The following NRIP1 variants were observed in gnomAD, a reference collection of about 807,000 sequenced individuals.
The protein encoded by NRIP1 is nuclear receptor interacting protein 1.
NRIP1 carries 28 observed loss-of-function variants against 75.0 expected under a neutral mutation model. The observed-to-expected ratio is 0.37, with a 90% CI of 0.28 to 0.51. The LOEUF (loss-of-function observed/expected upper bound fraction) is 0.51. Among genes scored for constraint, NRIP1 ranks in the 20% least tolerant of loss-of-function variants. NRIP1 has a pLI of 0.92. For synonymous variants in NRIP1, 526 were observed against 487.6 expected (o/e 1.08, Z -1.04); for missense variants, 1,435 against 1,343.7 (o/e 1.07, Z -1.06).
chr21:15,020,058 C>G (rs1490628313), intron 2 of NRIP1, among the ~76,000 whole-genome samples: 1 of 152,176 alleles, frequency 6.6e-6, no homozygotes, highest in African/African-American at 2.4e-5. Flanking sequence ...TCAATTCTCC[C>G]TACACTGATC....
chr21:15,050,502 T>C (rs1288613755), intron 1 of NRIP1: 1 of 328,774 alleles, frequency 3.0e-6, no homozygotes, highest in East Asian at 8.1e-5. Flanking sequence ...AACCAAAACG[T>C]AGTATTTGTG....
chr21:14,990,676 T>C, intron 3 of NRIP1, among the ~76,000 whole-genome samples: 1 of 152,200 alleles, frequency 6.6e-6, no homozygotes, highest in Non-Finnish European at 1.5e-5. Context: ...AATGAATTCC[T>C]AAAGTGAAAC....
rs566721443 is a variant in NRIP1 at position 14,968,384 on chromosome 21, G to T, written c.-192C>A. Reference sequence around the variant, plus strand: ...ACAAGATAAATGCAGTCTGACCACAGTGCTGATCAACTTCTACGCAAGGAG... The same window carrying T: ...ACAAGATAAATGCAGTCTGACCACATTGCTGATCAACTTCTACGCAAGGAG... On this transcript the variant is annotated 5_prime_UTR_variant, in exon 4 of 4. In the 5' UTR this introduces an upstream ATG that the reference lacks. Coordinates refer to ENST00000318948, the MANE Select transcript of NRIP1 (RefSeq NM_003489.4). 7.6e-5 allele frequency: 43 copies of T among 568,486 alleles called. No individual in the cohort carries two copies. In the East Asian group the frequency reaches 1.2e-3, roughly 16 times the overall value. The allele number at this position is 568,486 out of a possible 1,614,324, so 35.2% of individuals were successfully genotyped here.
intron 3 of NRIP1, among the ~76,000 whole-genome samples, chr21:14,979,846 G>GTA (rs1222108267): frequency 2.0e-5 from 3 of 151,634 alleles, no homozygotes; most frequent in Non-Finnish European, 4.4e-5. Context: ...TTGTGTGCCT[G>GTA]TATATATATA....
At chr21:15,026,612 T>G (rs987783769) in intron 2 of NRIP1, among the ~76,000 whole-genome samples, 1 of 152,172 alleles carries the variant, frequency 6.6e-6, no homozygotes, top group Non-Finnish European at 1.5e-5. Context: ...TACATATGTG[T>G]GTAAATATAA....
intron 3 of NRIP1, among the ~76,000 whole-genome samples, chr21:15,012,915 G>A (rs1447350250): frequency 2.0e-5 from 3 of 152,160 alleles, no homozygotes. Context: ...TAAAACAAAG[G>A]TGTTGAAAAT....
At chr21:14,973,251 A>G (rs778926058) in intron 3 of NRIP1, among the ~76,000 whole-genome samples, 1 of 151,810 alleles carries the variant, frequency 6.6e-6, no homozygotes, top group African/African-American at 2.4e-5. Context: ...TAAAAATACT[A>G]AAGGGACAGA....
At chr21:14,985,203 C>A (rs917166523) in intron 3 of NRIP1, among the ~76,000 whole-genome samples, 1 of 152,154 alleles carries the variant, frequency 6.6e-6, no homozygotes, top group Non-Finnish European at 1.5e-5. Context: ...GTAGAACATG[C>A]TGTAAACAGC....
At position 14,964,952 on chromosome 21, in the gene NRIP1, T is replaced by A; in HGVS notation, c.3241A>T (p.Ser1081Cys). 6.2e-7 allele frequency: 1 copy of A among 1,613,988 alleles called. No homozygotes were observed. The highest frequency in any genetic ancestry group is 8.5e-7 in the Non-Finnish European group (1 of 1,179,906). The change falls in exon 4 of 4, where the codon AGT (serine) becomes TGT (cysteine). Residue 1081 changes from serine (S) to cysteine (C), a missense_variant. By Grantham distance (112) the Ser-to-Cys change is moderately radical. Coordinates refer to ENST00000318948, the MANE Select transcript of NRIP1 (RefSeq NM_003489.4). ...MLQKGGNSVT[S>C]RETQDKDIWR... ...ATGTCCTTGTCTTGTGTTTCTCGAC[T>A]GGTAACAGAATTGCCTCCTTTTTGA...
intron 3 of NRIP1, among the ~76,000 whole-genome samples, chr21:15,009,906 C>A (rs1263812233): frequency 6.6e-6 from 1 of 151,934 alleles, no homozygotes; most frequent in Non-Finnish European, 1.5e-5. Flanking sequence ...AACAGACAAA[C>A]AAATTATTGG....
chr21:14,975,980 A>C (rs1374617969), intron 3 of NRIP1, among the ~76,000 whole-genome samples: 5 of 152,156 alleles, frequency 3.3e-5, no homozygotes, highest in African/African-American at 1.2e-4. Context: ...ACATTCATTA[A>C]AACTTCAAAA....
chr21:15,040,983 CAG>C (rs2088939490), intron 2 of NRIP1, among the ~76,000 whole-genome samples: 1 of 152,088 alleles, frequency 6.6e-6, no homozygotes, highest in Non-Finnish European at 1.5e-5. Context: ...CACCACCCAG[CAG>C]TTCCACTCCC....
At position 14,966,958 on chromosome 21, in the gene NRIP1, G is replaced by T; in HGVS notation, c.1235C>A (p.Thr412Lys). 1 of 1,614,144 alleles carries T rather than the reference G, an allele frequency of 6.2e-7. No individual in the cohort carries two copies. Among genetic ancestry groups the T allele is most frequent in the Non-Finnish European group, 8.5e-7 (1 of 1,179,988 alleles). ...GSIFEESSTP[T>K]TIDEYSDNNP... is the part of the protein sequence containing the mutation. ...GTTATCTGAATATTCATCAATAGTT[G>T]TAGGTGTACTACTTTCCTCAAAAAT... The change falls in exon 4 of 4, where the codon ACA (threonine) becomes AAA (lysine). Residue 412 changes from threonine (T) to lysine (K), a missense_variant. Thr to Lys is a moderately conservative substitution (Grantham distance 78). Transcript: ENST00000318948.
intron 3 of NRIP1, among the ~76,000 whole-genome samples, chr21:15,005,282 T>G (rs1181919252): frequency 6.6e-6 from 1 of 152,168 alleles, no homozygotes; most frequent in Non-Finnish European, 1.5e-5. Flanking sequence ...GTTCTTTACA[T>G]GTGTTCTAAT....
intron 3 of NRIP1, among the ~76,000 whole-genome samples, chr21:15,012,977 A>C (rs2088145222): frequency 6.6e-6 from 1 of 152,158 alleles, no homozygotes; most frequent in African/African-American, 2.4e-5. Flanking sequence ...TCACAGGAAT[A>C]TGCATGATTA....
chr21:14,987,639 T>TA (rs1436271624), intron 3 of NRIP1, among the ~76,000 whole-genome samples: 2 of 152,188 alleles, frequency 1.3e-5, no homozygotes, highest in Non-Finnish European at 2.9e-5. Flanking sequence ...AAACAGTGTA[T>TA]AAAACCTCCT....
At chr21:15,020,494 G>A (rs2088347198) in intron 2 of NRIP1, among the ~76,000 whole-genome samples, 1 of 152,064 alleles carries the variant, frequency 6.6e-6, no homozygotes, top group Admixed American at 6.5e-5. Flanking sequence ...ACTTCTAGAA[G>A]AAGGAATAGG....
chr21:14,978,086 A>T (rs1411752650), intron 3 of NRIP1, among the ~76,000 whole-genome samples: 1 of 152,194 alleles, frequency 6.6e-6, no homozygotes, highest in East Asian at 1.9e-4. Context: ...CATTGGCTTT[A>T]ACTTGCTCGT....
At chr21:14,973,745 C>T (rs2086969392) in intron 3 of NRIP1, among the ~76,000 whole-genome samples, 1 of 150,306 alleles carries the variant, frequency 6.7e-6, no homozygotes, top group African/African-American at 2.5e-5. Context: ...GGTGAGATCA[C>T]AGCTCACTGC....
Sources: allele counts gnomAD v4.1 joint callset (sites outside exome capture counted in the v4.1 genomes callset), GRCh38; gene constraint gnomAD v4.1.1; transcripts MANE v1.5; gene names NCBI Gene and HGNC (gene_info 2026-07-23, HGNC 2026-07-21).